The following ATP8B2 variants were observed in gnomAD, a reference collection of about 807,000 sequenced individuals.
ATP8B2 encodes phospholipid-transporting ATPase ID.
In ATP8B2, 70 loss-of-function variants were observed where a neutral mutation model predicts 133.4. The ratio of observed to expected loss-of-function variants is 0.52; its 90% CI spans 0.43 to 0.64. ATP8B2 has a LOEUF of 0.64. Ranked by LOEUF, ATP8B2 falls within the 30% of genes least tolerant of loss-of-function variation. The pLI, the probability that ATP8B2 is intolerant of heterozygous loss-of-function variation, is 0.00. For missense variants in ATP8B2, 1,101 were observed against 1,535.7 expected (o/e 0.72, Z 4.73); for synonymous variants, 517 against 589.5 (o/e 0.88, Z 1.78).
At position 154,344,352 on chromosome 1, in the gene ATP8B2, T is replaced by G; in HGVS notation, c.2036-43T>G. On this transcript the variant is annotated intron_variant, in intron 19 of 27. Coordinates refer to ENST00000368489, the MANE Select transcript of ATP8B2 (RefSeq NM_001370597.1). The surrounding 1 kb of genome is among the most constrained non-coding windows in gnomAD (Gnocchi z 4.1). The stretch of plus-strand genomic sequence containing the variant: ...CATCAGGCAGGCAAGTGTGCTGACC[T>G]TGTTGGGTGCCTGTCCGTAGCTCCT... The G allele has an allele frequency of 6.2e-7, 1 of 1,614,126 alleles. No homozygotes were observed. The highest frequency in any genetic ancestry group is 8.5e-7 in the Non-Finnish European group (1 of 1,179,978).
rs889280843 is a variant in ATP8B2, at chr1:154,346,123, G to T, written c.2779-108G>T. ...CTTGAGGTTGGTTCTAGCTGCCAAA[G>T]ACTTTGGAAAGGAGGAGGCAGGGAC... On this transcript the variant is annotated intron_variant, in intron 24 of 27. Transcript: ENST00000368489. The surrounding 1 kb of genome is among the most constrained non-coding windows in gnomAD (Gnocchi z 4.5). The T allele has an allele frequency of 1.0e-4, 152 of 1,495,856 alleles. No homozygotes were observed. The highest frequency in any genetic ancestry group is 1.3e-4 in the Non-Finnish European group (139 of 1,101,104). 92.7% of individuals were successfully genotyped at this position (1,495,856 alleles called of 1,614,324 possible). A position where few individuals can be genotyped will look rare whatever the true frequency, so the allele number is the denominator to read the frequency against.
rs762881967 is a variant in ATP8B2 at position 154,330,947 on chromosome 1, AT to A, written c.204+25del. 5 of 1,609,068 alleles carry A rather than the reference AT, an allele frequency of 3.1e-6. No homozygotes were observed. In the South Asian group the frequency reaches 5.5e-5, roughly 18 times the overall value. ...TCTGCAGGTAGGTGACCCATAGTAG[AT>A]TTTTTGCAGCTCCCCAAACTGAATA... On this transcript the variant is annotated intron_variant, in intron 4 of 27. Transcript: ENST00000368489.
chr1:154,345,788 G>C lies in ATP8B2; in HGVS notation c.2695-12G>C. On this transcript the variant is annotated splice_polypyrimidine_tract_variant and intron_variant, in intron 23 of 27. Transcript: ENST00000368489. This position sits in a 1 kb window ranked among gnomAD's most constrained non-coding sequence, Gnocchi z 5.6. ...AAGGTTGCATGCTCCCTTGCTCCCT[G>C]TTCTCTTCCAGACCGTCTATGACCA... 1 of 1,603,554 alleles carries C rather than the reference G, an allele frequency of 6.2e-7. No homozygotes were observed. Among genetic ancestry groups the C allele is most frequent in the Non-Finnish European group, 8.5e-7 (1 of 1,170,382 alleles).
chr1:154,330,784 C>T, intron 3 of ATP8B2, 31 bp from the exon 4 acceptor site: 1 of 1,578,040 alleles, frequency 6.3e-7, no homozygotes, highest in Non-Finnish European at 8.7e-7. Context: ...GGACTGGAGA[C>T]TGCTCATTAT....
Position 154,328,390 on chromosome 1 carries a change from C to T in ATP8B2, c.31+218C>T, listed in dbSNP as rs1197464153. On this transcript the variant is annotated intron_variant, in intron 2 of 27. Coordinates refer to ENST00000368489, the MANE Select transcript of ATP8B2 (RefSeq NM_001370597.1). This position sits in a 1 kb window ranked among gnomAD's most constrained non-coding sequence, Gnocchi z 4.6. Reference sequence around the variant, plus strand: ...GACAGCGCAGAGCACCAGCCCCACGCCCCGAAACACCTGCAGTCTTATCTT... The same window carrying T: ...GACAGCGCAGAGCACCAGCCCCACGTCCCGAAACACCTGCAGTCTTATCTT... 6.6e-6 allele frequency among the ~76,000 whole-genome samples: 1 copy of T among 152,188 alleles called. No individual in the cohort carries two copies. Among genetic ancestry groups the T allele is most frequent in the Non-Finnish European group, 1.5e-5 (1 of 68,038 alleles).
At position 154,346,920 on chromosome 1, in the gene ATP8B2, T is replaced by G. The variant is rs1022942262; in HGVS notation, c.3163+162T>G. The stretch of plus-strand genomic sequence containing the variant: ...TTTCGAGAAGGAGTCTTGCCCAGGC[T>G]GGAGTGCAGTGGTGCGATCTCGGCT... On this transcript the variant is annotated intron_variant, in intron 26 of 27. Coordinates refer to ENST00000368489, the MANE Select transcript of ATP8B2 (RefSeq NM_001370597.1). The surrounding 1 kb of genome is among the most constrained non-coding windows in gnomAD (Gnocchi z 4.5). Among the ~76,000 whole-genome samples the G allele has an allele frequency of 6.6e-6, 1 of 152,210 alleles. No homozygotes were observed. Among genetic ancestry groups the G allele is most frequent in the Non-Finnish European group, 1.5e-5 (1 of 68,048 alleles).
At position 154,328,642 on chromosome 1, in the gene ATP8B2, C is replaced by T. The variant is rs913622171; in HGVS notation, c.31+470C>T. Among the ~76,000 whole-genome samples, 5 of 152,058 alleles carry T rather than the reference C, an allele frequency of 3.3e-5. No individual in the cohort carries two copies. Among genetic ancestry groups the T allele is most frequent in the African/African-American group, 1.2e-4 (5 of 41,424 alleles). ...TGGGAGGGGAGGCGGGGCTCGCGCG[C>T]GAGCTTTCGCCTACGCGGCGCGCTG... On this transcript the variant is annotated intron_variant, in intron 2 of 27. Transcript: ENST00000368489. This position sits in a 1 kb window ranked among gnomAD's most constrained non-coding sequence, Gnocchi z 4.6.
chr1:154,349,126 G>A lies in ATP8B2; in HGVS notation c.*8G>A. 6.2e-7 allele frequency: 1 copy of A among 1,611,060 alleles called. No individual in the cohort carries two copies. The highest frequency in any genetic ancestry group is 1.7e-4 in the Middle Eastern group (1 of 5,888). On this transcript the variant is annotated 3_prime_UTR_variant, in exon 28 of 28. Coordinates refer to ENST00000368489, the MANE Select transcript of ATP8B2 (RefSeq NM_001370597.1). ...AAGCCCCTCAAGGGCTGAAGGCCGAGGATGGATGCCCTGTGCCAGTGACCA... is the reference window on the plus strand; with the variant it reads ...AAGCCCCTCAAGGGCTGAAGGCCGAAGATGGATGCCCTGTGCCAGTGACCA...
intron 1 of ATP8B2, among the ~76,000 whole-genome samples, chr1:154,327,464 T>A (rs888072558): frequency 6.6e-6 from 1 of 152,018 alleles, no homozygotes; most frequent in Non-Finnish European, 1.5e-5. Context: ...CCACCAGGGT[T>A]GGGAAGACCC....
Position 154,331,024 on chromosome 1 carries a change from C to A in ATP8B2, c.205-24C>A. The A allele has an allele frequency of 6.2e-7, 1 of 1,607,054 alleles. No homozygotes were observed. The highest frequency in any genetic ancestry group is 1.1e-5 in the South Asian group (1 of 90,944). On this transcript the variant is annotated intron_variant, in intron 4 of 27. Transcript: ENST00000368489. This position sits in a 1 kb window ranked among gnomAD's most constrained non-coding sequence, Gnocchi z 4.8. Reference sequence around the variant, plus strand: ...AAGGCATCAGATGGGGCCTCAGAGGCATACTTCTCTTTCTTTTTTTCAGTT... The same window carrying A: ...AAGGCATCAGATGGGGCCTCAGAGGAATACTTCTCTTTCTTTTTTTCAGTT...
chr1:154,348,098 T>C (rs1686655488), intron 26 of ATP8B2, among the ~76,000 whole-genome samples: 2 of 152,018 alleles, frequency 1.3e-5, no homozygotes, highest in Non-Finnish European at 2.9e-5. Context: ...AGCAACTGAA[T>C]GGGTTGTGGC....
In ATP8B2 at chr1:154,341,212, C is replaced by T. The variant is rs544511819; in HGVS notation, c.1243+150C>T. On this transcript the variant is annotated intron_variant, in intron 13 of 27. Transcript: ENST00000368489. The stretch of plus-strand genomic sequence containing the variant: ...AGAAAGGGTCCATCCTGGCCAGGCA[C>T]GGTGGCTCATGCCTATAGTCATAGC... 2.4e-4 allele frequency: 198 copies of T among 819,418 alleles called. 1 individual carries two copies. Among genetic ancestry groups the T allele is most frequent in the Non-Finnish European group, 3.6e-4 (177 of 494,630 alleles). The allele number at this position is 819,418 out of a possible 1,614,324, so 50.8% of individuals were successfully genotyped here.
chr1:154,328,814 C>G lies in ATP8B2; in HGVS notation c.31+642C>G. 2.9e-6 allele frequency: 3 copies of G among 1,035,476 alleles called. No homozygotes were observed. The highest frequency in any genetic ancestry group is 3.2e-5 in the South Asian group (1 of 31,030). 64.1% of individuals were successfully genotyped at this position (1,035,476 alleles called of 1,614,324 possible). A position where few individuals can be genotyped will look rare whatever the true frequency, so the allele number is the denominator to read the frequency against. The stretch of plus-strand genomic sequence containing the variant: ...GGCGCAGCTGAGCTCGCGGTGTCCC[C>G]GAGCGCCGGCGGCCGGGAGGATGGC... On this transcript the variant is annotated intron_variant, in intron 2 of 27. Coordinates refer to ENST00000368489, the MANE Select transcript of ATP8B2 (RefSeq NM_001370597.1). This position sits in a 1 kb window ranked among gnomAD's most constrained non-coding sequence, Gnocchi z 4.6.
Position 154,346,941 on chromosome 1 carries a change from C to T in ATP8B2, c.3163+183C>T, listed in dbSNP as rs146007940. On this transcript the variant is annotated intron_variant, in intron 26 of 27. Transcript: ENST00000368489. This position sits in a 1 kb window ranked among gnomAD's most constrained non-coding sequence, Gnocchi z 4.5. ...AGGCTGGAGTGCAGTGGTGCGATCT[C>T]GGCTCACTGCAGCCTTCGACTCACT... Among the ~76,000 whole-genome samples the T allele has an allele frequency of 2.1e-3, 313 of 152,160 alleles. 5 individuals are homozygous for T. The East Asian group carries it at 0.056, about 27-fold the overall frequency.
At chr1:154,333,039 A>G (rs1570851998) in intron 9 of ATP8B2, among the ~76,000 whole-genome samples, 1 of 152,114 alleles carries the variant, frequency 6.6e-6, no homozygotes, top group African/African-American at 2.4e-5. Context: ...GGTCGGTACC[A>G]TGGCTCACGC....
At chr1:154,337,152 C>T (rs188798385) in intron 11 of ATP8B2, among the ~76,000 whole-genome samples, 196 bp from the exon 12 acceptor site, 8 of 151,566 alleles carry the variant, frequency 5.3e-5, no homozygotes, top group Admixed American at 5.3e-4. Flanking sequence ...TCAGCTGTTA[C>T]CAAAATCTCA....
rs779697912 is a variant in ATP8B2 at position 154,342,481 on chromosome 1, T to A, written c.1245T>A (p.Gly415=). Residue 415 remains glycine (G), a splice_region_variant and synonymous_variant, in exon 14 of 28, where the codon GGT becomes GGA. Transcript: ENST00000368489. The part of the protein sequence containing the change: ...NKCSINGHSY[G]DVFDVLGHKA... ...TTTTTCTGCCCTGGCTGTATGTAGG[T>A]GATGTGTTTGACGTCCTGGGACACA... is the stretch of plus-strand genomic sequence containing the variant. 1 of 1,613,574 alleles carries A rather than the reference T, an allele frequency of 6.2e-7. No individual in the cohort carries two copies. The highest frequency in any genetic ancestry group is 1.1e-5 in the South Asian group (1 of 91,064).
In ATP8B2 at chr1:154,332,006, A is replaced by G; in HGVS notation, c.491A>G (p.Glu164Gly). 1.9e-6 allele frequency: 3 copies of G among 1,614,052 alleles called. No homozygotes were observed. The highest frequency in any genetic ancestry group is 2.5e-6 in the Non-Finnish European group (3 of 1,179,902). Residue 164 changes from glutamate (E) to glycine (G), a missense_variant, in exon 8 of 28, where the codon GAG becomes GGG. Physicochemically the swap from Glu to Gly is moderately conservative, Grantham distance 98 (BLOSUM62 -2). Transcript: ENST00000368489. Reference protein sequence around the residue: ...SSEPHGLCYIETAELDGETNM... With the variant: ...SSEPHGLCYIGTAELDGETNM... ...GAGCCCCATGGGCTGTGTTACATAGAGACAGCAGAACTTGATGGGTAAGTG... is the reference window on the plus strand; with the variant it reads ...GAGCCCCATGGGCTGTGTTACATAGGGACAGCAGAACTTGATGGGTAAGTG...
intron 1 of ATP8B2, chr1:154,327,707 C>T: frequency 2.3e-6 from 3 of 1,299,202 alleles, no homozygotes; most frequent in Non-Finnish European, 3.3e-6. Context: ...GCTCATGTTC[C>T]CTCCACCCCA....
Sources: gnomAD v4.1 joint callset for allele counts (sites outside exome capture counted in the v4.1 genomes callset) on GRCh38, gnomAD v4.1.1 for gene constraint, Gnocchi (gnomAD v3.1) non-coding constraint, MANE v1.5 for transcripts, NCBI Gene and HGNC (gene_info 2026-07-23, HGNC 2026-07-21) for gene names.